TRPC3: variants seen among roughly 807,000 people sequenced by gnomAD.
The protein encoded by TRPC3 is transient receptor potential cation channel subfamily C member 3, also known as short transient receptor potential channel 3.
A neutral mutation model predicts 90.9 loss-of-function variants in TRPC3; 54 were observed. The observed-to-expected ratio is 0.59, with a 90% CI of 0.48 to 0.75. TRPC3 has a LOEUF of 0.75. Ranked by LOEUF, TRPC3 falls within the 30% of genes least tolerant of loss-of-function variation. The probability of loss-of-function intolerance (pLI) is 0.00; values close to 1 mark genes in which losing one functional copy is unlikely to be tolerated. For missense variants in TRPC3, 918 were observed against 1,194.5 expected (o/e 0.77, Z 3.41); for synonymous variants, 424 against 450.9 (o/e 0.94, Z 0.75).
At chr4:121,889,604 A>T (rs1350592104) in intron 10 of TRPC3, among the ~76,000 whole-genome samples, 1 of 152,128 alleles carries the variant, frequency 6.6e-6, no homozygotes, top group Non-Finnish European at 1.5e-5. Context: ...GGAGAAAGAG[A>T]ACTCATATAC....
At chr4:121,908,518 C>T (rs1728966644) in intron 6 of TRPC3, among the ~76,000 whole-genome samples, 1 of 152,068 alleles carries the variant, frequency 6.6e-6, no homozygotes. Context: ...AAATGTGGTA[C>T]ATATACTCCA....
At position 121,899,586 on chromosome 4, in the gene TRPC3, AAG is replaced by A. The variant is rs774452540; in HGVS notation, c.2547+24_2547+25del. 6 of 1,588,666 alleles carry A rather than the reference AAG, an allele frequency of 3.8e-6. No homozygotes were observed. In the African/African-American group the frequency reaches 5.4e-5, roughly 14 times the overall value. On this transcript the variant is annotated intron_variant, in intron 10 of 11. Coordinates refer to ENST00000379645, the MANE Select transcript of TRPC3 (RefSeq NM_001130698.2). Reference sequence around the variant, plus strand: ...ACATATATGGAATCACATAGAGATCAAGAGATACGTCTAATGAATGCTTACCT... The same window carrying A: ...ACATATATGGAATCACATAGAGATCAAGATACGTCTAATGAATGCTTACCT...
chr4:121,882,437 G>A lies in TRPC3; in HGVS notation c.2548-8C>T. ...AAGTCTTTTCATTATCTGCTGTTGG[G>A]CAAAAGTAAATGATTAGATCTCCAA... On this transcript the variant is annotated splice_region_variant and splice_polypyrimidine_tract_variant and intron_variant, in intron 10 of 11. Transcript: ENST00000379645. The A allele has an allele frequency of 6.2e-7, 1 of 1,607,210 alleles. No homozygotes were observed. The highest frequency in any genetic ancestry group is 8.5e-7 in the Non-Finnish European group (1 of 1,177,116).
Position 121,877,523 on chromosome 4 carries a change from C to G in TRPC3, c.*2213G>C, listed in dbSNP as rs1727796640. ...CTTCTTTTTAGCTGAGGGCAATTCT[C>G]CAGGGGAAGTGATTGGCTAGGAACT... On this transcript the variant is annotated 3_prime_UTR_variant, in exon 12 of 12. Transcript: ENST00000379645. 2.0e-5 allele frequency among the ~76,000 whole-genome samples: 3 copies of G among 152,008 alleles called. No individual in the cohort carries two copies. The highest frequency in any genetic ancestry group is 2.9e-5 in the Non-Finnish European group (2 of 67,990).
intron 3 of TRPC3, among the ~76,000 whole-genome samples, chr4:121,922,076 G>A (rs1650358270): frequency 6.6e-6 from 1 of 151,598 alleles, no homozygotes; most frequent in African/African-American, 2.4e-5. Flanking sequence ...CTGCCACCAC[G>A]CCCGTCTAAT....
chr4:121,881,561 T>A (rs963163520), intron 11 of TRPC3, among the ~76,000 whole-genome samples: 3 of 152,202 alleles, frequency 2.0e-5, no homozygotes, highest in African/African-American at 4.8e-5. Flanking sequence ...ACATACACTA[T>A]TGGATTGATT....
At position 121,926,567 on chromosome 4, in the gene TRPC3, C is replaced by T. The variant is rs543270914; in HGVS notation, c.988-1361G>A. 8.5e-5 allele frequency among the ~76,000 whole-genome samples: 13 copies of T among 152,048 alleles called. No homozygotes were observed. In the East Asian group the frequency reaches 1.2e-3, roughly 14 times the overall value. ...GATTATAGGCATGTGCCACCACACC[C>T]GGCTATCTTTTGTATTTTCAGTAGA... On this transcript the variant is annotated intron_variant, in intron 2 of 11. Coordinates refer to ENST00000379645, the MANE Select transcript of TRPC3 (RefSeq NM_001130698.2).
In TRPC3 at chr4:121,879,698, AT is replaced by A; in HGVS notation, c.*37del. 1 of 1,575,952 alleles carries A rather than the reference AT, an allele frequency of 6.3e-7. No individual in the cohort carries two copies. ...CATACTTAGAAATATTATTGCCCAC[AT>A]TTGTGCTATAGTCAAAGCCAAATCC... On this transcript the variant is annotated 3_prime_UTR_variant, in exon 12 of 12. Transcript: ENST00000379645.
chr4:121,926,106 C>T (rs1466313804), intron 2 of TRPC3, among the ~76,000 whole-genome samples: 3 of 152,170 alleles, frequency 2.0e-5, no homozygotes, highest in African/African-American at 7.2e-5. Context: ...GAGAAGGCCA[C>T]GAAGGGAGGG....
At chr4:121,886,880 A>T (rs1210217342) in intron 10 of TRPC3, among the ~76,000 whole-genome samples, 2 of 152,206 alleles carry the variant, frequency 1.3e-5, no homozygotes, top group African/African-American at 4.8e-5. Context: ...GGGAGCACAG[A>T]TTCAAGTTGC....
intron 4 of TRPC3, among the ~76,000 whole-genome samples, chr4:121,913,207 C>A (rs547978770): frequency 6.6e-6 from 1 of 152,114 alleles, no homozygotes; most frequent in Non-Finnish European, 1.5e-5. Flanking sequence ...TACACAGCTG[C>A]AAAAAGGGCA....
At chr4:121,916,785 C>G (rs1365841693) in intron 3 of TRPC3, among the ~76,000 whole-genome samples, 1 of 151,898 alleles carries the variant, frequency 6.6e-6, no homozygotes, top group East Asian at 1.9e-4. Flanking sequence ...ACAATCTCGT[C>G]TCACCACAAC....
chr4:121,899,171 T>C (rs1050411959), intron 10 of TRPC3, among the ~76,000 whole-genome samples: 2 of 152,172 alleles, frequency 1.3e-5, no homozygotes, highest in Non-Finnish European at 2.9e-5. Context: ...CATGAAACAG[T>C]ATAGCCAAAC....
chr4:121,914,587 C>T (rs1473716010), intron 4 of TRPC3, among the ~76,000 whole-genome samples, 193 bp downstream of exon 4: 1 of 152,214 alleles, frequency 6.6e-6, no homozygotes, highest in African/African-American at 2.4e-5. Flanking sequence ...TGTGGTATAT[C>T]CCACTGGTAC....
chr4:121,914,604 CT>C (rs1485471415), intron 4 of TRPC3, among the ~76,000 whole-genome samples, 175 bp downstream of exon 4: 1 of 152,218 alleles, frequency 6.6e-6, no homozygotes, highest in South Asian at 2.1e-4. Flanking sequence ...GTACCAAATC[CT>C]TTTTCATCCC....
intron 10 of TRPC3, among the ~76,000 whole-genome samples, chr4:121,895,802 G>A (rs577227539): frequency 3.3e-5 from 5 of 152,004 alleles, no homozygotes; most frequent in African/African-American, 4.8e-5. Flanking sequence ...CAAACTAATC[G>A]AAAAAATTAA....
At chr4:121,884,103 T>A (rs1470285745) in intron 10 of TRPC3, among the ~76,000 whole-genome samples, 1 of 152,198 alleles carries the variant, frequency 6.6e-6, no homozygotes, top group Non-Finnish European at 1.5e-5. Flanking sequence ...ATGAAATTAA[T>A]GCACCATAGC....
Position 121,936,216 on chromosome 4 carries a change from G to A in TRPC3, c.216-3174C>T, listed in dbSNP as rs539322155. 1.1e-4 allele frequency among the ~76,000 whole-genome samples: 16 copies of A among 152,260 alleles called. No homozygotes were observed. The South Asian group carries it at 2.5e-3, about 24-fold the overall frequency. Reference sequence around the variant, plus strand: ...TTTCATTAATCTGAACTGATGGAACGAGTCAATATTCACATCATCCACAAT... The same window carrying A: ...TTTCATTAATCTGAACTGATGGAACAAGTCAATATTCACATCATCCACAAT... On this transcript the variant is annotated intron_variant, in intron 1 of 11. Coordinates refer to ENST00000379645, the MANE Select transcript of TRPC3 (RefSeq NM_001130698.2).
rs557153000 is a variant in TRPC3, at chr4:121,877,135, A to T, written c.*2601T>A. Among the ~76,000 whole-genome samples the T allele has an allele frequency of 1.3e-5, 2 of 152,308 alleles. No individual in the cohort carries two copies. The highest frequency in any genetic ancestry group is 4.8e-5 in the African/African-American group (2 of 41,566). On this transcript the variant is annotated 3_prime_UTR_variant, in exon 12 of 12. Coordinates refer to ENST00000379645, the MANE Select transcript of TRPC3 (RefSeq NM_001130698.2). Reference sequence around the variant, plus strand: ...TATCTTTATCCTCAAGTGAAGGACTAATTCTGACAGCAATCCCCTCGACTA... The same window carrying T: ...TATCTTTATCCTCAAGTGAAGGACTTATTCTGACAGCAATCCCCTCGACTA...
Sources: allele counts gnomAD v4.1 joint callset (sites outside exome capture counted in the v4.1 genomes callset), GRCh38; gene constraint gnomAD v4.1.1; transcripts MANE v1.5; gene names NCBI Gene and HGNC (gene_info 2026-07-23, HGNC 2026-07-21).